The following LETM1 variants were observed in gnomAD, a reference collection of about 807,000 sequenced individuals.
LETM1 encodes leucine zipper and EF-hand containing transmembrane protein 1, also known as mitochondrial proton/calcium exchanger protein.
LETM1 carries 50 observed loss-of-function variants against 74.5 expected under a neutral mutation model. The ratio of observed to expected loss-of-function variants is 0.67; its 90% CI spans 0.53 to 0.85. LETM1 has a LOEUF of 0.85. Ranked by LOEUF, LETM1 falls within the 40% of genes least tolerant of loss-of-function variation. The pLI, the probability that LETM1 is intolerant of heterozygous loss-of-function variation, is 0.00. For synonymous variants in LETM1, 446 were observed against 407.1 expected (o/e 1.10, Z -1.15); for missense variants, 824 against 967.8 (o/e 0.85, Z 1.97).
chr4:1,821,300 G>A (rs111595259), intron 10 of LETM1, among the ~76,000 whole-genome samples: 3,320 of 151,354 alleles, frequency 0.022, 118 homozygotes, highest in African/African-American at 0.077. Context: ...CACCATGTTA[G>A]CCAGGATGGT....
At position 1,836,692 on chromosome 4, in the gene LETM1, C is replaced by G; in HGVS notation, c.595-120G>C. The G allele has an allele frequency of 9.8e-7, 1 of 1,023,372 alleles. No homozygotes were observed. The highest frequency in any genetic ancestry group is 1.5e-5 in the South Asian group (1 of 65,806). The allele number at this position is 1,023,372 out of a possible 1,614,324, so 63.4% of individuals were successfully genotyped here. A position where few individuals can be genotyped will look rare whatever the true frequency, so the allele number is the denominator to read the frequency against. Reference sequence around the variant, plus strand: ...AACCTCAGGCAGCGACTCACAGGACCCACTGAGGACTCTAAGTTCCAGAAC... The same window carrying G: ...AACCTCAGGCAGCGACTCACAGGACGCACTGAGGACTCTAAGTTCCAGAAC... On this transcript the variant is annotated intron_variant, in intron 3 of 13. Coordinates refer to ENST00000302787, the MANE Select transcript of LETM1 (RefSeq NM_012318.3). The surrounding 1 kb of genome is among the most constrained non-coding windows in gnomAD (Gnocchi z 5.8).
chr4:1,822,070 T>TGAGGGCTATA, intron 10 of LETM1, 111 bp downstream of exon 10: 1 of 1,118,750 alleles, frequency 8.9e-7, no homozygotes, highest in Non-Finnish European at 1.2e-6. Flanking sequence ...CTCCTCTCAC[T>TGAGGGCTATA]GAGGGCTATA....
Position 1,822,265 on chromosome 4 carries a change from C to G in LETM1, c.1524G>C (p.Gly508=). The G allele has an allele frequency of 6.5e-7, 1 of 1,541,664 alleles. No homozygotes were observed. Among genetic ancestry groups the G allele is most frequent in the African/African-American group, 1.4e-5 (1 of 72,302 alleles). ...CAGGCATTTCTGGCTGTGGCTCGGTCCCCGGCCTTTGGGGAGCAGCTACCA... is the reference window on the plus strand; with the variant it reads ...CAGGCATTTCTGGCTGTGGCTCGGTGCCCGGCCTTTGGGGAGCAGCTACCA... ...ERVVAAPQRP[G]TEPQPEMPDT... Residue 508 remains glycine, a synonymous_variant, in exon 10 of 14, where the codon GGG becomes GGC. Coordinates refer to ENST00000302787, the MANE Select transcript of LETM1 (RefSeq NM_012318.3).
intron 3 of LETM1, chr4:1,839,262 T>C (rs1355433192): frequency 1.3e-5 from 2 of 151,706 alleles, no homozygotes; most frequent in African/African-American, 4.8e-5. Flanking sequence ...AACCTTGGGG[T>C]CAGAAGCACG....
At chr4:1,849,080 C>A in intron 2 of LETM1, 69 bp downstream of exon 2, 2 of 1,040,226 alleles carry the variant, frequency 1.9e-6, no homozygotes, top group South Asian at 1.3e-5. Flanking sequence ...AAGAGTCACT[C>A]GTGACTCTCC....
chr4:1,815,573 AG>A, intron 13 of LETM1, 90 bp downstream of exon 13: 1 of 1,441,954 alleles, frequency 6.9e-7, no homozygotes, highest in Non-Finnish European at 9.5e-7. Context: ...GCTGCCCAGG[AG>A]GGTGCCGGAC....
chr4:1,855,744 G>T, intron 1 of LETM1, 125 bp downstream of exon 1: 1 of 537,380 alleles, frequency 1.9e-6, no homozygotes, highest in Non-Finnish European at 2.7e-6. Context: ...TCCCGCAGGG[G>T]CTCCGGAGGC....
At chr4:1,845,018 C>T (rs866496310) in intron 2 of LETM1, among the ~76,000 whole-genome samples, 2 of 151,626 alleles carry the variant, frequency 1.3e-5, no homozygotes, top group African/African-American at 2.4e-5. Flanking sequence ...GGTGAAACCC[C>T]GTCTTTACTA....
Position 1,832,815 on chromosome 4 carries a change from A to T in LETM1, c.1009T>A (p.Ser337Thr), listed in dbSNP as rs186573116. 8 of 1,614,138 alleles carry T rather than the reference A, an allele frequency of 5.0e-6. No individual in the cohort carries two copies. The highest frequency in any genetic ancestry group is 1.7e-5 in the Admixed American group (1 of 60,020). ...VALCKLLELQ[S>T]IGTNNFLRFQ... ...CGCAGGAAGTTGTTGGTGCCGATGGACTGTAGCTCCAGCAGCTTGCACAGG... is the reference window on the plus strand; with the variant it reads ...CGCAGGAAGTTGTTGGTGCCGATGGTCTGTAGCTCCAGCAGCTTGCACAGG... Residue 337 changes from serine (S) to threonine (T), a missense_variant, in exon 6 of 14, where the codon TCC (serine) becomes ACC (threonine). Around this residue, in one of 4 missense-constraint regions of LETM1, gnomAD observed 269 missense variants for 348.8 expected, o/e 0.77. Transcript: ENST00000302787.
At chr4:1,838,194 A>ATCTCCCTG (rs1712522912) in intron 3 of LETM1, among the ~76,000 whole-genome samples, 1 of 150,478 alleles carries the variant, frequency 6.6e-6, no homozygotes, top group African/African-American at 2.5e-5. Context: ...CTGCCTCCCG[A>ATCTCCCTG]GTTCAAGTGA....
chr4:1,827,880 C>T (rs567855965), intron 6 of LETM1, among the ~76,000 whole-genome samples: 1 of 150,838 alleles, frequency 6.6e-6, no homozygotes, highest in South Asian at 2.1e-4. Context: ...CAGAGGCGCC[C>T]CCCCCACCTC....
chr4:1,856,097 C>T lies in LETM1; in HGVS notation c.-147G>A, dbSNP rs1486847401. Reference sequence around the variant, plus strand: ...CTGGCCTCGGACGGGAGGCGCTCTCCTCAAGGACCCGGCACCAGCGGCGGC... The same window carrying T: ...CTGGCCTCGGACGGGAGGCGCTCTCTTCAAGGACCCGGCACCAGCGGCGGC... On this transcript the variant is annotated 5_prime_UTR_variant, in exon 1 of 14. Transcript: ENST00000302787. The T allele has an allele frequency of 7.5e-6, 3 of 397,726 alleles. No homozygotes were observed. Among genetic ancestry groups the T allele is most frequent in the Admixed American group, 9.6e-5 (2 of 20,836 alleles). The allele number at this position is 397,726 out of a possible 1,614,324, so 24.6% of individuals were successfully genotyped here. A position where few individuals can be genotyped will look rare whatever the true frequency, so the allele number is the denominator to read the frequency against.
chr4:1,827,274 C>CTTTTTTTTTTTTT (rs759264558), intron 6 of LETM1, among the ~76,000 whole-genome samples: 2 of 103,722 alleles, frequency 1.9e-5, no homozygotes, highest in Non-Finnish European at 4.1e-5. Context: ...ATTGACAGTT[C>CTTTTTTTTTTTTT]TTTTTTTTTT....
Position 1,814,251 on chromosome 4 carries a change from G to C in LETM1, c.*173C>G. The C allele has an allele frequency of 9.3e-7, 1 of 1,075,712 alleles. No individual in the cohort carries two copies. The highest frequency in any genetic ancestry group is 1.3e-6 in the Non-Finnish European group (1 of 741,106). The allele number at this position is 1,075,712 out of a possible 1,614,324, so 66.6% of individuals were successfully genotyped here. A position where few individuals can be genotyped will look rare whatever the true frequency, so the allele number is the denominator to read the frequency against. ...TGGAGGGGTTCCGGGATTCCAGACA[G>C]ACTGAATCTCCGTGGAATGATGAAA... On this transcript the variant is annotated 3_prime_UTR_variant, in exon 14 of 14. Transcript: ENST00000302787.
chr4:1,842,954 A>G, intron 2 of LETM1: 1 of 298,336 alleles, frequency 3.4e-6, no homozygotes, highest in Non-Finnish European at 6.8e-6. Flanking sequence ...CTGGCACACT[A>G]GAAACTCCCC....
At chr4:1,823,924 C>T (rs1048300457) in intron 7 of LETM1, 149 bp from the exon 8 acceptor site, 57 of 917,324 alleles carry the variant, frequency 6.2e-5, no homozygotes, top group South Asian at 1.2e-4. Context: ...CTGCGTGACC[C>T]GATGACGGCG....
At chr4:1,822,620 G>A in intron 9 of LETM1, 1 of 345,380 alleles carries the variant, frequency 2.9e-6, no homozygotes. Flanking sequence ...TGTGACCCAA[G>A]AGGACCACAG....
intron 3 of LETM1, among the ~76,000 whole-genome samples, chr4:1,837,187 G>T (rs569242480): frequency 2.7e-4 from 41 of 152,268 alleles, no homozygotes; most frequent in African/African-American, 9.1e-4. Context: ...GCTCACAGGG[G>T]TCCCTTGGCC....
At chr4:1,827,034 C>A (rs1356882333) in intron 6 of LETM1, among the ~76,000 whole-genome samples, 1 of 152,214 alleles carries the variant, frequency 6.6e-6, no homozygotes, top group Non-Finnish European at 1.5e-5. Flanking sequence ...CCGCTCACTG[C>A]AGAAGGCGCA....
Sources: allele counts gnomAD v4.1 joint callset (sites outside exome capture counted in the v4.1 genomes callset), GRCh38; gene constraint gnomAD v4.1.1; regional missense constraint gnomAD v4.1.1; non-coding constraint Gnocchi (gnomAD v3.1); transcripts MANE v1.5; gene names NCBI Gene and HGNC (gene_info 2026-07-23, HGNC 2026-07-21).